The following CPED1 variants were observed in gnomAD, a reference collection of about 807,000 sequenced individuals.
The protein encoded by CPED1 is cadherin like and PC-esterase domain containing 1, also known as cadherin-like and PC-esterase domain-containing protein 1.
Under a neutral mutation model 128.2 loss-of-function variants are expected in CPED1, and 114 were observed. The observed-to-expected ratio is 0.89, with a 90% CI of 0.76 to 1.04. CPED1 has a LOEUF of 1.04. Ranked by LOEUF, CPED1 falls within the 50% of genes least tolerant of loss-of-function variation. The pLI is 0.00. For synonymous variants in CPED1, 462 were observed against 426.7 expected (o/e 1.08, Z -1.02); for missense variants, 1,211 against 1,207.1 (o/e 1.00, Z -0.05).
At chr7:121,152,271 G>C (rs1418025403) in intron 16 of CPED1, among the ~76,000 whole-genome samples, 1 of 152,054 alleles carries the variant, frequency 6.6e-6, no homozygotes, top group Non-Finnish European at 1.5e-5. Context: ...CATGCTTGAA[G>C]ATGATCTTTC....
chr7:121,049,895 G>A (rs747179466), intron 4 of CPED1, among the ~76,000 whole-genome samples: 12 of 152,150 alleles, frequency 7.9e-5, no homozygotes, highest in Non-Finnish European at 1.2e-4. Context: ...TTTGGTACTG[G>A]CATCTATAGG....
chr7:121,243,358 C>T (rs552404596), intron 17 of CPED1, among the ~76,000 whole-genome samples: 2 of 152,216 alleles, frequency 1.3e-5, no homozygotes, highest in East Asian at 3.9e-4. Context: ...TATTTTTCTA[C>T]CACATTATTA....
intron 2 of CPED1, 68 bp from the exon 3 acceptor site, chr7:121,015,597 A>C: frequency 7.2e-7 from 1 of 1,386,278 alleles, no homozygotes; most frequent in Non-Finnish European, 9.8e-7. Flanking sequence ...CTTGATTTGC[A>C]TTCATGATGT....
chr7:121,048,271 C>T (rs1168211694), intron 4 of CPED1, among the ~76,000 whole-genome samples: 1 of 152,206 alleles, frequency 6.6e-6, no homozygotes, highest in Non-Finnish European at 1.5e-5. Flanking sequence ...ATATCAAACT[C>T]AACCTGGCGA....
rs1436088626 is a variant in CPED1, at chr7:121,135,182, A to AT, written c.1649-852dup. ...CTCTTTGGCTTATCTCTTTTTTCCC[A>AT]TTTTTTCATTCCAAAGAACATCTGA... On this transcript the variant is annotated intron_variant, in intron 13 of 22. Coordinates refer to ENST00000310396, the MANE Select transcript of CPED1 (RefSeq NM_024913.5). Among the ~76,000 whole-genome samples, 4 of 151,808 alleles carry AT rather than the reference A, an allele frequency of 2.6e-5. No homozygotes were observed. In the East Asian group the frequency reaches 7.7e-4, roughly 29 times the overall value.
intron 13 of CPED1, among the ~76,000 whole-genome samples, chr7:121,134,469 A>C (rs555913982): frequency 1.9e-4 from 29 of 152,148 alleles, no homozygotes. Flanking sequence ...TAGGAAGGGA[A>C]GGAGGTGGCT....
intron 3 of CPED1, among the ~76,000 whole-genome samples, chr7:121,039,725 T>A (rs1031082280): frequency 6.6e-6 from 1 of 152,050 alleles, no homozygotes; most frequent in African/African-American, 2.4e-5. Flanking sequence ...AACACCTTTT[T>A]AAAAAAATCA....
intron 2 of CPED1, among the ~76,000 whole-genome samples, chr7:121,010,962 T>C (rs137949321): frequency 2.0e-5 from 3 of 152,244 alleles, no homozygotes; most frequent in East Asian, 3.9e-4. Flanking sequence ...AAAATAAGAG[T>C]ACATTTCACC....
intron 16 of CPED1, among the ~76,000 whole-genome samples, chr7:121,159,823 G>A (rs10232353): frequency 3.9e-5 from 6 of 151,966 alleles, no homozygotes; most frequent in South Asian, 2.1e-4. Context: ...TCATCCTCAC[G>A]TAGCACAATG....
intron 18 of CPED1, among the ~76,000 whole-genome samples, chr7:121,245,762 C>T (rs1798512659): frequency 6.6e-6 from 1 of 150,602 alleles, no homozygotes; most frequent in East Asian, 1.9e-4. Flanking sequence ...GTGATCTCAG[C>T]TCAATGCAAC....
intron 22 of CPED1, among the ~76,000 whole-genome samples, chr7:121,275,107 T>TAATC (rs1399895744): frequency 6.6e-6 from 1 of 152,152 alleles, no homozygotes; most frequent in East Asian, 1.9e-4. Context: ...AGGGTTGGTA[T>TAATC]AATCATTACA....
At chr7:121,101,868 C>T (rs1794857905) in intron 7 of CPED1, among the ~76,000 whole-genome samples, 1 of 151,984 alleles carries the variant, frequency 6.6e-6, no homozygotes, top group African/African-American at 2.4e-5. Context: ...ATGAGTGATC[C>T]ACACCTGCAA....
rs1792224058 is a variant in CPED1, at chr7:121,271,305, A to G, written c.2743A>G (p.Lys915Glu). The change falls in exon 22 of 23, where the codon AAA becomes GAA. Residue 915 changes from lysine to glutamate, a missense_variant. Transcript: ENST00000310396. ...TCAGAGTGAAGTACAGAACTTATGGAAAGAAAATTTGATTATTCTGGATAC... is the reference window on the plus strand; with the variant it reads ...TCAGAGTGAAGTACAGAACTTATGGGAAGAAAATTTGATTATTCTGGATAC... ...LTQSEVQNLW[K>E]ENLIILDTAK... is the part of the protein sequence containing the mutation. The G allele has an allele frequency of 1.9e-6, 3 of 1,612,024 alleles. No homozygotes were observed. The highest frequency in any genetic ancestry group is 2.5e-6 in the Non-Finnish European group (3 of 1,178,742).
chr7:121,191,446 C>T (rs1237151788), intron 16 of CPED1, among the ~76,000 whole-genome samples: 1 of 152,054 alleles, frequency 6.6e-6, no homozygotes, highest in African/African-American at 2.4e-5. Context: ...GCTAGGGAGG[C>T]CTTTGAATTG....
chr7:121,015,776 C>A lies in CPED1; in HGVS notation c.361C>A (p.Gln121Lys), dbSNP rs1363944481. 2 of 1,611,434 alleles carry A rather than the reference C, an allele frequency of 1.2e-6. No homozygotes were observed. Among genetic ancestry groups the A allele is most frequent in the Non-Finnish European group, 1.7e-6 (2 of 1,179,060 alleles). ...ELQLHQHILT[Q>K]HGYTVVIAEE... Reference sequence around the variant, plus strand: ...TCAGCTACACCAGCACATTCTGACTCAACATGGCTATACGGTTGTCATCGC... The same window carrying A: ...TCAGCTACACCAGCACATTCTGACTAAACATGGCTATACGGTTGTCATCGC... The change falls in exon 3 of 23, where the codon CAA (glutamine) becomes AAA (lysine). Residue 121 changes from glutamine (Q) to lysine (K), a missense_variant. Gln to Lys is a moderately conservative substitution (Grantham distance 53). Transcript: ENST00000310396.
Position 121,097,831 on chromosome 7 carries a change from T to C in CPED1, c.749T>C (p.Leu250Pro), listed in dbSNP as rs780552142. The part of the protein sequence containing the change: ...WKPGDWSREQ[L>P]NETTVLAPHE... ...CCAGGGGACTGGAGTCGTGAACAGC[T>C]GTAAGCTAATCATTTTGAATTGTTA... is the stretch of plus-strand genomic sequence containing the variant. The change falls in exon 6 of 23, where the codon CTG (leucine) becomes CCG (proline). Residue 250 changes from leucine (L) to proline (P), a missense_variant and splice_region_variant. Coordinates refer to ENST00000310396, the MANE Select transcript of CPED1 (RefSeq NM_024913.5). The C allele has an allele frequency of 2.8e-5, 45 of 1,613,458 alleles. No individual in the cohort carries two copies. Among genetic ancestry groups the C allele is most frequent in the Non-Finnish European group, 2.9e-5 (34 of 1,179,644 alleles).
rs1320915460 is a variant in CPED1, at chr7:121,252,728, G to A, written c.2310+8390G>A. ...ACACGAAAAAATGCTCATCATCACT[G>A]GCCATCAGAGAAATGCAAATCAAAA... On this transcript the variant is annotated intron_variant, in intron 18 of 22. Transcript: ENST00000310396. Among the ~76,000 whole-genome samples, 8 of 152,220 alleles carry A rather than the reference G, an allele frequency of 5.3e-5. No homozygotes were observed. The East Asian group carries it at 9.7e-4, about 18-fold the overall frequency.
At chr7:121,215,512 T>C (rs1229412820) in intron 16 of CPED1, among the ~76,000 whole-genome samples, 1 of 152,106 alleles carries the variant, frequency 6.6e-6, no homozygotes, top group Non-Finnish European at 1.5e-5. Flanking sequence ...ATCCCAGATA[T>C]GTGGATTGCA....
intron 4 of CPED1, among the ~76,000 whole-genome samples, chr7:121,053,728 A>G (rs907912480): frequency 6.6e-6 from 1 of 152,162 alleles, no homozygotes; most frequent in East Asian, 1.9e-4. Context: ...TATTACTTTC[A>G]TAATTATTAA....
Sources: gnomAD v4.1 joint callset for allele counts (sites outside exome capture counted in the v4.1 genomes callset) on GRCh38, gnomAD v4.1.1 for gene constraint, MANE v1.5 for transcripts, NCBI Gene and HGNC (gene_info 2026-07-23, HGNC 2026-07-21) for gene names.